MTCL1: variants seen among roughly 807,000 people sequenced by gnomAD.
The protein encoded by MTCL1 is microtubule cross-linking factor 1.
MTCL1 carries 79 observed loss-of-function variants against 141.4 expected under a neutral mutation model. The ratio of observed to expected loss-of-function variants is 0.56; its 90% confidence interval spans 0.47 to 0.67. The LOEUF is 0.67. MTCL1 is among the 30% of genes least tolerant of loss of function. The pLI is 0.00. For missense variants in MTCL1, 2,177 were observed against 2,113.9 expected (o/e 1.03, Z -0.59); for synonymous variants, 914 against 875.8 (o/e 1.04, Z -0.77).
chr18:8,780,697 G>A (rs533698509), intron 5 of MTCL1, among the ~76,000 whole-genome samples: 27 of 152,258 alleles, frequency 1.8e-4, no homozygotes, highest in African/African-American at 6.0e-4. Context: ...ATTCCTTCAT[G>A]GGAACAACAA....
At chr18:8,731,400 C>G (rs1046071631) in intron 4 of MTCL1, among the ~76,000 whole-genome samples, 10 of 151,916 alleles carry the variant, frequency 6.6e-5, no homozygotes, top group Non-Finnish European at 1.3e-4. Context: ...ATGGTGAAAC[C>G]CCGTCTGTAC....
At chr18:8,825,130 C>G (rs370222270) in exon 15 of MTCL1, 1 of 1,589,722 alleles carries the variant, frequency 6.3e-7, no homozygotes. Context: ...AGCATCACGG[C>G]GGCAGGTGGT....
chr18:8,767,629 C>A (rs535127906), intron 4 of MTCL1, among the ~76,000 whole-genome samples: 3 of 152,134 alleles, frequency 2.0e-5, no homozygotes, highest in Admixed American at 6.5e-5. Context: ...ACTTGAGTAC[C>A]CGGGGTCCAT....
chr18:8,776,432 C>G (rs2096509036), intron 4 of MTCL1, among the ~76,000 whole-genome samples: 1 of 152,164 alleles, frequency 6.6e-6, no homozygotes, highest in Non-Finnish European at 1.5e-5. Context: ...TTGCAGACAC[C>G]TCTAGGCCCC....
chr18:8,728,717 A>ATTTT (rs1598410920), intron 4 of MTCL1, among the ~76,000 whole-genome samples: 4 of 68,066 alleles, frequency 5.9e-5, no homozygotes, highest in East Asian at 8.0e-4. Flanking sequence ...TATGTTGTCC[A>ATTTT]TTCTTTTTTT....
intron 7 of MTCL1, among the ~76,000 whole-genome samples, chr18:8,792,012 T>C (rs1163763540): frequency 6.6e-6 from 1 of 152,182 alleles, no homozygotes; most frequent in Non-Finnish European, 1.5e-5. Flanking sequence ...TTGGGTATGA[T>C]CTTCACTCTT....
intron 4 of MTCL1, among the ~76,000 whole-genome samples, chr18:8,747,785 GC>G (rs535019018): frequency 3.3e-4 from 50 of 152,326 alleles, no homozygotes; most frequent in Non-Finnish European, 6.5e-4. Flanking sequence ...ACACTGCCCT[GC>G]CCTGCGAGGA....
chr18:8,722,874 G>A (rs2096182737), intron 4 of MTCL1, among the ~76,000 whole-genome samples: 1 of 152,196 alleles, frequency 6.6e-6, no homozygotes, highest in Non-Finnish European at 1.5e-5. Flanking sequence ...TGAAGATTCT[G>A]TTGCATACAT....
chr18:8,813,343 G>T, intron 12 of MTCL1, 110 bp downstream of exon 11: 1 of 1,287,388 alleles, frequency 7.8e-7, no homozygotes. Flanking sequence ...GCATCAGGAT[G>T]CATGGGCTTC....
rs1318182395 is a variant in MTCL1, at chr18:8,810,755, T to G, written c.2605-2224T>G. ...CTCCCCTCTTTTGTTTCTGCATTCT[T>G]TCTACTTAGAAAAAGTTTTATTTTC... On this transcript the variant is annotated intron_variant, in intron 11 of 16. Transcript: ENST00000359865. The surrounding 1 kb of genome is among the most constrained non-coding windows in gnomAD (Gnocchi z 5.0). Among the ~76,000 whole-genome samples the G allele has an allele frequency of 6.6e-6, 1 of 152,194 alleles. No individual in the cohort carries two copies. The highest frequency in any genetic ancestry group is 2.4e-5 in the African/African-American group (1 of 41,442).
intron 4 of MTCL1, among the ~76,000 whole-genome samples, chr18:8,722,501 A>G (rs1225638437): frequency 1.3e-5 from 2 of 152,234 alleles, no homozygotes; most frequent in Non-Finnish European, 2.9e-5. Flanking sequence ...AAAACAGCCA[A>G]TCAACACATA....
At position 8,724,411 on chromosome 18, in the gene MTCL1, T is replaced by TA. The variant is rs559410013; in HGVS notation, c.357+3922dup. Among the ~76,000 whole-genome samples, 228 of 152,104 alleles carry TA rather than the reference T, an allele frequency of 1.5e-3. 2 individuals are homozygous for TA. Among genetic ancestry groups the TA allele is most frequent in the African/African-American group, 5.2e-3 (216 of 41,498 alleles). On this transcript the variant is annotated intron_variant, in intron 4 of 16. Coordinates refer to ENST00000359865, the Ensembl canonical transcript of MTCL1. ...GGGCAACAAGAGCAAAACTCCATCTTAAAAAAACAAAACAAAATAAAAACA... is the reference window on the plus strand; with the variant it reads ...GGGCAACAAGAGCAAAACTCCATCTTAAAAAAAACAAAACAAAATAAAAACA...
intron 4 of MTCL1, among the ~76,000 whole-genome samples, chr18:8,751,573 T>C (rs1386856327): frequency 1.3e-5 from 2 of 152,154 alleles, no homozygotes; most frequent in African/African-American, 2.4e-5. Context: ...AAACAAACGC[T>C]TTTTGGTTTT....
At chr18:8,723,495 G>GGT (rs373032674) in intron 4 of MTCL1, among the ~76,000 whole-genome samples, 12 of 152,280 alleles carry the variant, frequency 7.9e-5, no homozygotes, top group African/African-American at 1.7e-4. Context: ...AGTTGTCGCA[G>GGT]GTGTGTGTGT....
chr18:8,783,600 T>A, exon 6 of MTCL1: 1 of 1,613,542 alleles, frequency 6.2e-7, no homozygotes, highest in Non-Finnish European at 8.5e-7. Flanking sequence ...CGCAAAAAGA[T>A]GGCCAAGCTA....
At chr18:8,821,533 A>G (rs765326293) in intron 14 of MTCL1, 35 bp downstream of exon 13, 50 of 1,178,386 alleles carry the variant, frequency 4.2e-5, no homozygotes, top group Non-Finnish European at 5.8e-5. Context: ...AGATTACTAG[A>G]ATAAAAATGT....
At chr18:8,718,887 A>G (rs996630513) in intron 3 of MTCL1, among the ~76,000 whole-genome samples, 1 of 152,080 alleles carries the variant, frequency 6.6e-6, no homozygotes, top group Admixed American at 6.5e-5. Context: ...ATAACGAAGA[A>G]TTAATACCTG....
intron 4 of MTCL1, among the ~76,000 whole-genome samples, chr18:8,763,085 C>A (rs1003527540): frequency 3.3e-5 from 5 of 152,244 alleles, no homozygotes; most frequent in African/African-American, 1.2e-4. Context: ...CTCCCCCCAA[C>A]CAAGCCCGCT....
rs112793679 is a variant in MTCL1 at position 8,829,448 on chromosome 18, C to T, written c.*18+484C>T. ...CAACAACCATACCACAAGGAATGAA[C>T]CCAAATATATCTTGTCCTTCCAAGT... is the stretch of plus-strand genomic sequence containing the variant. On this transcript the variant is annotated intron_variant, in intron 16 of 16. Transcript: ENST00000359865. 8,798 of 968,346 alleles carry T rather than the reference C, an allele frequency of 9.1e-3. 46 individuals are homozygous for T. The highest frequency in any genetic ancestry group is 0.01 in the Non-Finnish European group (8,443 of 814,370). The allele number at this position is 968,346 out of a possible 1,614,324, so 60.0% of individuals were successfully genotyped here.
Sources: allele counts gnomAD v4.1 joint callset (sites outside exome capture counted in the v4.1 genomes callset), GRCh38; gene constraint gnomAD v4.1.1; non-coding constraint Gnocchi (gnomAD v3.1); transcripts MANE v1.5; gene names NCBI Gene and HGNC (gene_info 2026-07-23, HGNC 2026-07-21).